Variants in FAM133B observed in about 807,000 individuals in gnomAD.
FAM133B encodes protein FAM133B.
FAM133B carries 25 observed loss-of-function variants against 46.4 expected under a neutral mutation model. That is an observed-to-expected ratio of 0.54 (90% CI 0.39 to 0.75). The LOEUF (loss-of-function observed/expected upper bound fraction) is 0.75, where lower values mean the gene tolerates loss of function less well. Among genes scored for constraint, FAM133B ranks in the 30% least tolerant of loss-of-function variants. The probability of loss-of-function intolerance (pLI) is 0.00; values close to 1 mark genes in which losing one functional copy is unlikely to be tolerated. For missense variants in FAM133B, 205 were observed against 277.6 expected (o/e 0.74, Z 1.86); for synonymous variants, 75 against 86.0 (o/e 0.87, Z 0.71).
At chr7:92,587,344 T>C (rs1795063246) in intron 1 of FAM133B, among the ~76,000 whole-genome samples, 1 of 152,076 alleles carries the variant, frequency 6.6e-6, no homozygotes, top group Non-Finnish European at 1.5e-5. Flanking sequence ...ATGGCAAAAC[T>C]ATGGAGTCAG....
chr7:92,581,614 G>A lies in FAM133B; in HGVS notation c.25-11C>T, dbSNP rs748103884. On this transcript the variant is annotated splice_polypyrimidine_tract_variant and intron_variant, in intron 1 of 10. Transcript: ENST00000445716. ...TGGGTTCATATAGGCCTTGGGGAAA[G>A]AACAACAATTAATCCATTAAAGCAA... 3 of 1,604,978 alleles carry A rather than the reference G, an allele frequency of 1.9e-6. No homozygotes were observed. Among genetic ancestry groups the A allele is most frequent in the Non-Finnish European group, 1.7e-6 (2 of 1,172,310 alleles).
At chr7:92,572,919 G>T (rs1794575573) in intron 8 of FAM133B, among the ~76,000 whole-genome samples, 1 of 151,998 alleles carries the variant, frequency 6.6e-6, no homozygotes, top group African/African-American at 2.4e-5. Flanking sequence ...AGTAAGGATA[G>T]ATGTCAACAG....
intron 7 of FAM133B, 56 bp downstream of exon 7, chr7:92,577,047 G>T: frequency 8.7e-7 from 1 of 1,155,054 alleles, no homozygotes; most frequent in South Asian, 2.0e-5. Flanking sequence ...ACTTTAGGCA[G>T]AAAAACTTAA....
At chr7:92,580,834 T>C (rs1794846228) in intron 2 of FAM133B, among the ~76,000 whole-genome samples, 1 of 152,200 alleles carries the variant, frequency 6.6e-6, no homozygotes, top group Non-Finnish European at 1.5e-5. Context: ...ATAATGCATT[T>C]TCTGGTATGC....
chr7:92,565,192 T>C (rs1381754480), intron 10 of FAM133B, among the ~76,000 whole-genome samples: 2 of 150,780 alleles, frequency 1.3e-5, no homozygotes, highest in South Asian at 2.1e-4. Flanking sequence ...GCTCTGTTGC[T>C]GAGGCTGGAG....
At chr7:92,575,009 A>G (rs564607497) in intron 8 of FAM133B, among the ~76,000 whole-genome samples, 51 of 152,356 alleles carry the variant, frequency 3.3e-4, no homozygotes, top group African/African-American at 1.2e-3. Context: ...TTTAATAACC[A>G]GAATAACAAT....
At chr7:92,576,968 T>C (rs1794718816) in intron 7 of FAM133B, 135 bp downstream of exon 7, 1 of 442,496 alleles carries the variant, frequency 2.3e-6, no homozygotes, top group Non-Finnish European at 4.0e-6. Context: ...TATTATCAAG[T>C]ATATCAATTA....
chr7:92,577,631 T>G, intron 6 of FAM133B, 24 bp downstream of exon 6: 1 of 1,536,640 alleles, frequency 6.5e-7, no homozygotes, highest in Non-Finnish European at 8.8e-7. Flanking sequence ...TATTATTTCA[T>G]GAACCATTAT....
intron 8 of FAM133B, among the ~76,000 whole-genome samples, chr7:92,571,634 G>A (rs1046286952): frequency 7.9e-5 from 12 of 152,110 alleles, no homozygotes; most frequent in Admixed American, 2.6e-4. Context: ...GTAGTGGCCA[G>A]CTTTATATTT....
intron 3 of FAM133B, among the ~76,000 whole-genome samples, chr7:92,578,814 G>A (rs147872749): frequency 1.4e-4 from 22 of 152,240 alleles, no homozygotes; most frequent in African/African-American, 4.3e-4. Context: ...GGGAGGCTAA[G>A]GTGGGAAGAT....
chr7:92,582,322 CATAAA>C (rs1329894743), intron 1 of FAM133B, among the ~76,000 whole-genome samples: 5 of 136,780 alleles, frequency 3.7e-5, no homozygotes, highest in Non-Finnish European at 6.3e-5. Flanking sequence ...AATAACATAA[CATAAA>C]ATAAAATAAA....
intron 1 of FAM133B, chr7:92,581,825 TG>T: frequency 2.3e-6 from 1 of 432,944 alleles, no homozygotes; most frequent in East Asian, 5.0e-5. Flanking sequence ...TGTGTGTGTG[TG>T]TGTGTGTTTT....
chr7:92,581,662 C>T, intron 1 of FAM133B, 59 bp from the exon 2 acceptor site: 1 of 1,326,564 alleles, frequency 7.5e-7, no homozygotes, highest in South Asian at 1.2e-5. Context: ...CAAAACCTCA[C>T]TTACTCATCA....
At chr7:92,571,375 A>G (rs1194765867) in intron 8 of FAM133B, among the ~76,000 whole-genome samples, 2 of 152,116 alleles carry the variant, frequency 1.3e-5, no homozygotes, top group Non-Finnish European at 2.9e-5. Context: ...TTTCCTTATT[A>G]AAGATCATTA....
intron 10 of FAM133B, among the ~76,000 whole-genome samples, chr7:92,563,846 T>G (rs1032707224): frequency 6.6e-6 from 1 of 152,208 alleles, no homozygotes; most frequent in Admixed American, 6.5e-5. Context: ...ACCAAGCAAG[T>G]CTTACCATCT....
chr7:92,589,953 T>C (rs766256756), intron 1 of FAM133B: 101 of 457,294 alleles, frequency 2.2e-4, no homozygotes, highest in Non-Finnish European at 3.5e-4. Flanking sequence ...TGGGGGGGGT[T>C]CCCCGAGCCC....
intron 10 of FAM133B, among the ~76,000 whole-genome samples, chr7:92,565,205 C>T (rs2116374943): frequency 6.8e-6 from 1 of 147,766 alleles, no homozygotes; most frequent in South Asian, 2.1e-4. Context: ...GGCTGGAGTG[C>T]AGTGGGGCGA....
chr7:92,566,072 T>G lies in FAM133B; in HGVS notation c.610-11A>C. 1 of 1,613,220 alleles carries G rather than the reference T, an allele frequency of 6.2e-7. No homozygotes were observed. The highest frequency in any genetic ancestry group is 8.5e-7 in the Non-Finnish European group (1 of 1,179,776). Reference sequence around the variant, plus strand: ...CTTTTTTGCTCGCACCTAGAAAGTTTAAATTTTTGTGGAGAACAGAAGACA... The same window carrying G: ...CTTTTTTGCTCGCACCTAGAAAGTTGAAATTTTTGTGGAGAACAGAAGACA... On this transcript the variant is annotated splice_polypyrimidine_tract_variant and intron_variant, in intron 9 of 10. Coordinates refer to ENST00000445716, the MANE Select transcript of FAM133B (RefSeq NM_152789.4).
Position 92,579,304 on chromosome 7 carries a change from AC to A in FAM133B, c.201+12del. ...AAATTAGTCTATTTTTTTAACAGGT[AC>A]TTTTTACAAACCTCATTCATTTTTT... On this transcript the variant is annotated intron_variant, in intron 3 of 10. Coordinates refer to ENST00000445716, the MANE Select transcript of FAM133B (RefSeq NM_152789.4). The A allele has an allele frequency of 6.2e-7, 1 of 1,604,532 alleles. No homozygotes were observed. The highest frequency in any genetic ancestry group is 8.5e-7 in the Non-Finnish European group (1 of 1,176,192).
Sources: gnomAD v4.1 joint callset for allele counts (sites outside exome capture counted in the v4.1 genomes callset) on GRCh38, gnomAD v4.1.1 for gene constraint, MANE v1.5 for transcripts, NCBI Gene and HGNC (gene_info 2026-07-23, HGNC 2026-07-21) for gene names.